Variants in ADAM22 observed in about 807,000 individuals in gnomAD.
ADAM22 encodes ADAM metallopeptidase domain 22, also known as disintegrin and metalloproteinase domain-containing protein 22.
A neutral mutation model predicts 144.6 loss-of-function variants in ADAM22; 65 were observed. That is an observed-to-expected ratio of 0.45 (90% CI 0.37 to 0.55). ADAM22 has a LOEUF of 0.55. Among genes scored for constraint, ADAM22 ranks in the 20% least tolerant of loss-of-function variants. The pLI is 0.00. For synonymous variants in ADAM22, 391 were observed against 412.6 expected (o/e 0.95, Z 0.63); for missense variants, 974 against 1,184.9 (o/e 0.82, Z 2.61).
chr7:88,159,405 A>G (rs189630108), intron 22 of ADAM22, among the ~76,000 whole-genome samples: 2 of 152,296 alleles, frequency 1.3e-5, no homozygotes, highest in East Asian at 3.9e-4. Context: ...ATTTCATTCT[A>G]TGAGGCCAGT....
At chr7:88,039,327 C>G (rs547174140) in intron 3 of ADAM22, among the ~76,000 whole-genome samples, 105 of 149,600 alleles carry the variant, frequency 7.0e-4, no homozygotes, top group African/African-American at 2.4e-3. Flanking sequence ...CCTGTAGTCC[C>G]AGCTACTTGG....
chr7:87,985,051 C>A (rs771151137), intron 3 of ADAM22, among the ~76,000 whole-genome samples: 1 of 150,894 alleles, frequency 6.6e-6, no homozygotes, highest in Non-Finnish European at 1.5e-5. Context: ...CGGTGGCTCA[C>A]GCGTGTAATC....
chr7:87,952,646 G>A (rs1845556172), intron 2 of ADAM22, among the ~76,000 whole-genome samples: 2 of 151,994 alleles, frequency 1.3e-5, no homozygotes, highest in Non-Finnish European at 2.9e-5. Flanking sequence ...TCAGGATGAT[G>A]CTGGCCTCAT....
At chr7:88,137,063 T>A (rs985132820) in intron 14 of ADAM22, among the ~76,000 whole-genome samples, 1 of 152,148 alleles carries the variant, frequency 6.6e-6, no homozygotes, top group African/African-American at 2.4e-5. Flanking sequence ...CTAAGTTTGG[T>A]TCCTATCATT....
intron 22 of ADAM22, among the ~76,000 whole-genome samples, chr7:88,156,721 G>T (rs1438170649): frequency 6.6e-6 from 1 of 152,202 alleles, no homozygotes; most frequent in East Asian, 1.9e-4. Flanking sequence ...CCCTCCCATG[G>T]AAGATTGGAG....
intron 7 of ADAM22, among the ~76,000 whole-genome samples, chr7:88,124,881 T>G (rs1830061552): frequency 6.6e-6 from 1 of 151,988 alleles, no homozygotes; most frequent in Non-Finnish European, 1.5e-5. Context: ...ATGGTTCACC[T>G]TGAGTGTTTT....
rs7341462 is a variant in ADAM22, at chr7:88,048,834, T to C, written c.324-26792T>C. 2.0e-3 allele frequency among the ~76,000 whole-genome samples: 311 copies of C among 152,314 alleles called. 4 individuals are homozygous for C. The highest frequency in any genetic ancestry group is 7.1e-3 in the African/African-American group (296 of 41,578). ...CTACCCTCTACATTCTACAGATAAT[T>C]CCCTTTTCTCTCCCTACCTCCCAGT... is the stretch of plus-strand genomic sequence containing the variant. On this transcript the variant is annotated intron_variant, in intron 3 of 31. Transcript: ENST00000413139.
At chr7:88,027,377 G>A (rs1585103348) in intron 3 of ADAM22, among the ~76,000 whole-genome samples, 1 of 152,130 alleles carries the variant, frequency 6.6e-6, no homozygotes, top group East Asian at 1.9e-4. Context: ...TGTTTTTGCT[G>A]AGAGACTTTT....
intron 21 of ADAM22, among the ~76,000 whole-genome samples, chr7:88,154,076 C>A (rs1328987050): frequency 1.3e-5 from 2 of 152,154 alleles, no homozygotes; most frequent in Non-Finnish European, 2.9e-5. Context: ...ATAAGCTATG[C>A]CATTTAATCT....
At chr7:88,129,403 T>C (rs1406501680) in intron 9 of ADAM22, among the ~76,000 whole-genome samples, 1 of 151,964 alleles carries the variant, frequency 6.6e-6, no homozygotes, top group Non-Finnish European at 1.5e-5. Flanking sequence ...ACTACTTATT[T>C]GAGGAAAAAA....
chr7:88,128,695 T>G lies in ADAM22; in HGVS notation c.753+19T>G, dbSNP rs1291675388. 26 of 1,603,036 alleles carry G rather than the reference T, an allele frequency of 1.6e-5. No individual in the cohort carries two copies. Among genetic ancestry groups the G allele is most frequent in the Non-Finnish European group, 2.2e-5 (26 of 1,171,622 alleles). On this transcript the variant is annotated intron_variant, in intron 9 of 31. Transcript: ENST00000413139. ...CCTTATGGTAGGATTTGCTGTTGTTTTTAAGCCTGTTTGTGCCTAGGGTAA... is the reference window on the plus strand; with the variant it reads ...CCTTATGGTAGGATTTGCTGTTGTTGTTAAGCCTGTTTGTGCCTAGGGTAA...
At chr7:87,963,439 G>A (rs1175253080) in intron 2 of ADAM22, among the ~76,000 whole-genome samples, 2 of 152,078 alleles carry the variant, frequency 1.3e-5, no homozygotes, top group Admixed American at 1.3e-4. Context: ...GCAACAAGAA[G>A]TTTAAAAAAA....
At position 88,168,633 on chromosome 7, in the gene ADAM22, A is replaced by T. The variant is rs1347045424; in HGVS notation, c.2282+406A>T. On this transcript the variant is annotated intron_variant, in intron 25 of 31. Coordinates refer to ENST00000413139, the MANE Select transcript of ADAM22 (RefSeq NM_001324418.2). ...TTCTTTTCATGATTTATATAATCTGAAAAGAAACCAGAGTATTCAATTTCC... is the reference window on the plus strand; with the variant it reads ...TTCTTTTCATGATTTATATAATCTGTAAAGAAACCAGAGTATTCAATTTCC... Among the ~76,000 whole-genome samples, 5 of 152,336 alleles carry T rather than the reference A, an allele frequency of 3.3e-5. No individual in the cohort carries two copies. The East Asian group carries it at 7.7e-4, about 23-fold the overall frequency.
intron 4 of ADAM22, among the ~76,000 whole-genome samples, chr7:88,105,884 A>G (rs1824241464): frequency 1.3e-5 from 2 of 152,212 alleles, no homozygotes; most frequent in Admixed American, 6.5e-5. Context: ...TAATAGCAGC[A>G]AACACTTGTT....
chr7:88,038,603 C>T (rs796844778), intron 3 of ADAM22, among the ~76,000 whole-genome samples: 8 of 151,344 alleles, frequency 5.3e-5, no homozygotes, highest in Non-Finnish European at 8.9e-5. Flanking sequence ...TACAGGCGCG[C>T]ACCACCATGC....
At chr7:88,191,104 T>C (rs3789236) in intron 30 of ADAM22, among the ~76,000 whole-genome samples, 18,913 of 152,266 alleles carry the variant, frequency 0.12, 1,854 homozygotes, top group East Asian at 0.48. Flanking sequence ...AATTAACTAG[T>C]GTAACTAGCG....
chr7:88,135,779 T>A (rs768107755), intron 13 of ADAM22, among the ~76,000 whole-genome samples: 1 of 152,152 alleles, frequency 6.6e-6, no homozygotes, highest in African/African-American at 2.4e-5. Flanking sequence ...GGGGCAAAAA[T>A]TATATAATCT....
chr7:87,988,859 G>C (rs1184275758), intron 3 of ADAM22, among the ~76,000 whole-genome samples: 1 of 152,042 alleles, frequency 6.6e-6, no homozygotes, highest in Non-Finnish European at 1.5e-5. Context: ...CTCTGTTACA[G>C]GCAACTTCCC....
At chr7:87,996,529 T>C (rs565844641) in intron 3 of ADAM22, among the ~76,000 whole-genome samples, 1 of 152,124 alleles carries the variant, frequency 6.6e-6, no homozygotes, top group Admixed American at 6.6e-5. Flanking sequence ...TATAATCACA[T>C]TGGAGGTTAG....
Sources: allele counts gnomAD v4.1 joint callset (sites outside exome capture counted in the v4.1 genomes callset), GRCh38; gene constraint gnomAD v4.1.1; transcripts MANE v1.5; gene names NCBI Gene and HGNC (gene_info 2026-07-23, HGNC 2026-07-21).